Variants in RBM28 observed in about 807,000 individuals in gnomAD.
RBM28 encodes RNA binding motif protein 28.
RBM28 carries 78 observed loss-of-function variants against 98.3 expected under a neutral mutation model. The ratio of observed to expected loss-of-function variants is 0.79; its 90% CI spans 0.66 to 0.96. The LOEUF is 0.96. Among genes scored for constraint, RBM28 ranks in the 40% least tolerant of loss-of-function variants. The pLI is 0.00. For synonymous variants in RBM28, 306 were observed against 330.9 expected (o/e 0.92, Z 0.82); for missense variants, 838 against 913.0 (o/e 0.92, Z 1.06).
At chr7:128,341,009 C>G in intron 1 of RBM28, 2 of 486,612 alleles carry the variant, frequency 4.1e-6, no homozygotes, top group Non-Finnish European at 6.7e-6. Context: ...CTACAAATAT[C>G]AACTGTAACC....
At chr7:128,322,158 T>C (rs904023525) in intron 13 of RBM28, among the ~76,000 whole-genome samples, 4 of 152,136 alleles carry the variant, frequency 2.6e-5, no homozygotes, top group African/African-American at 7.2e-5. Context: ...CAACTGATTA[T>C]CTAATCCTTC....
At chr7:128,325,218 G>T (rs1004290241) in intron 11 of RBM28, among the ~76,000 whole-genome samples, 3 of 152,112 alleles carry the variant, frequency 2.0e-5, no homozygotes, top group Non-Finnish European at 4.4e-5. Context: ...TGTGCAAAAG[G>T]CCACATGTGT....
chr7:128,325,666 A>G, intron 11 of RBM28, 152 bp downstream of exon 11: 1 of 649,344 alleles, frequency 1.5e-6, no homozygotes, highest in East Asian at 2.8e-5. Context: ...ATGCATGTAA[A>G]GTTCAGTGCC....
At chr7:128,341,761 G>A (rs561748346) in intron 1 of RBM28, among the ~76,000 whole-genome samples, 1 of 152,336 alleles carries the variant, frequency 6.6e-6, no homozygotes, top group South Asian at 2.1e-4. Context: ...CCTGGGTACG[G>A]AATGCTACTT....
intron 8 of RBM28, among the ~76,000 whole-genome samples, chr7:128,334,013 A>T (rs371872435): frequency 2.0e-5 from 3 of 152,336 alleles, no homozygotes; most frequent in African/African-American, 7.2e-5. Context: ...TATAAAATAC[A>T]CTACATTTTG....
chr7:128,313,701 T>C (rs1216064075), intron 17 of RBM28, among the ~76,000 whole-genome samples: 2 of 152,156 alleles, frequency 1.3e-5, no homozygotes, highest in Non-Finnish European at 2.9e-5. Flanking sequence ...CTGGGCCTGG[T>C]GGGAGGTGAC....
intron 8 of RBM28, among the ~76,000 whole-genome samples, chr7:128,334,259 T>C (rs1282066801): frequency 6.6e-6 from 1 of 152,212 alleles, no homozygotes; most frequent in Non-Finnish European, 1.5e-5. Flanking sequence ...CTTCAGGGAA[T>C]TGTTAGGATT....
intron 10 of RBM28, among the ~76,000 whole-genome samples, chr7:128,329,484 A>G (rs776243166): frequency 5.3e-5 from 8 of 152,228 alleles, no homozygotes; most frequent in Non-Finnish European, 1.2e-4. Flanking sequence ...GAATGGAGGT[A>G]GGTTCTTAAG....
intron 16 of RBM28, 62 bp downstream of exon 16, chr7:128,317,597 A>T: frequency 7.7e-7 from 1 of 1,298,350 alleles, no homozygotes; most frequent in Non-Finnish European, 1.1e-6. Flanking sequence ...GAGCAGAAGC[A>T]CAAATTGAAC....
rs1203818070 is a variant in RBM28, at chr7:128,313,214, G to A, written c.2106C>T (p.Asn702=). Residue 702 remains asparagine, a synonymous_variant, in exon 18 of 19, where the codon AAC becomes AAT. Transcript: ENST00000223073. ...VHPKKPKPQI[N]QWKQEKQQLS... ...ATTGCTGCTTCTCCTGCTTCCACTG[G>A]TTTATCTGTGGCTTTGGCTTTTTGG... 1.9e-6 allele frequency: 3 copies of A among 1,614,010 alleles called. No homozygotes were observed. The African/African-American group carries it at 4.0e-5, about 22-fold the overall frequency.
chr7:128,321,499 A>T, intron 13 of RBM28, 75 bp from the exon 14 acceptor site: 1 of 1,567,936 alleles, frequency 6.4e-7, no homozygotes, highest in Non-Finnish European at 8.8e-7. Flanking sequence ...CCAAAAGGAA[A>T]GAATTATGAT....
At chr7:128,325,338 A>C (rs1796325714) in intron 11 of RBM28, among the ~76,000 whole-genome samples, 1 of 152,238 alleles carries the variant, frequency 6.6e-6, no homozygotes, top group Admixed American at 6.5e-5. Context: ...TAGTATTGTA[A>C]AGTAAGCTAG....
chr7:128,313,040 A>T, intron 18 of RBM28, 135 bp downstream of exon 18: 2 of 877,844 alleles, frequency 2.3e-6, no homozygotes, highest in Non-Finnish European at 3.8e-6. Context: ...GTATAGCTCA[A>T]CATTCTCTAA....
intron 8 of RBM28, 149 bp from the exon 9 acceptor site, chr7:128,333,511 A>G: frequency 1.5e-6 from 1 of 660,064 alleles, no homozygotes; most frequent in Non-Finnish European, 2.7e-6. Context: ...TGAGGTCAGG[A>G]GTTCGAGACC....
chr7:128,333,626 G>A (rs1325960141), intron 8 of RBM28, among the ~76,000 whole-genome samples: 4 of 152,200 alleles, frequency 2.6e-5, no homozygotes, highest in Admixed American at 6.5e-5. Flanking sequence ...GCTGAGGCAG[G>A]AGAATCCCTT....
chr7:128,343,581 G>C, intron 1 of RBM28, 95 bp downstream of exon 1: 2 of 848,792 alleles, frequency 2.4e-6, no homozygotes, highest in Non-Finnish European at 3.7e-6. Flanking sequence ...CCTTCTCTTC[G>C]GGGAGGGTAA....
In RBM28 at chr7:128,330,945, G is replaced by C. The variant is rs370041491; in HGVS notation, c.1020-17C>G. 21 of 1,555,710 alleles carry C rather than the reference G, an allele frequency of 1.3e-5. No homozygotes were observed. The highest frequency in any genetic ancestry group is 1.8e-5 in the Non-Finnish European group (20 of 1,126,814). ...GACAGATTTCTATGGAAGATAACCA[G>C]ATGATCACAAGAAAAGTCAATTACA... On this transcript the variant is annotated splice_polypyrimidine_tract_variant and intron_variant, in intron 9 of 18. Transcript: ENST00000223073.
chr7:128,336,777 G>GA (rs1796609389), intron 6 of RBM28, among the ~76,000 whole-genome samples: 1 of 151,886 alleles, frequency 6.6e-6, no homozygotes. Context: ...TTTTTGAGAC[G>GA]AAGTCTCGTT....
At position 128,301,470 on chromosome 7, in the gene RBM28, GC is replaced by G. The variant is rs553993748; in HGVS notation, c.*9326del. 5 of 152,492 alleles carry G rather than the reference GC, an allele frequency of 3.3e-5. No homozygotes were observed. The South Asian group carries it at 1.0e-3, about 32-fold the overall frequency. 9.4% of individuals were successfully genotyped at this position (152,492 alleles called of 1,614,324 possible). ...TCAGCACTGACAGGGGCAACACCTG[GC>G]CTGGCACAAGGCTCTCCGCTTCTTG... On this transcript the variant is annotated 3_prime_UTR_variant, in exon 19 of 19. Transcript: ENST00000223073.
Sources: allele counts gnomAD v4.1 joint callset (sites outside exome capture counted in the v4.1 genomes callset), GRCh38; gene constraint gnomAD v4.1.1; transcripts MANE v1.5; gene names NCBI Gene and HGNC (gene_info 2026-07-23, HGNC 2026-07-21).